The following TARM1 variants were observed in gnomAD, a reference collection of about 807,000 sequenced individuals.
TARM1 encodes the protein T-cell-interacting, activating receptor on myeloid cells protein 1.
TARM1 carries 24 observed loss-of-function variants against 30.4 expected under a neutral mutation model. The observed-to-expected ratio is 0.79, with a 90% CI of 0.57 to 1.11. The LOEUF is 1.11. Among genes scored for constraint, TARM1 ranks in the 50% least tolerant of loss-of-function variants. The pLI is 0.00. For synonymous variants in TARM1, 129 were observed against 138.9 expected (o/e 0.93, Z 0.50); for missense variants, 323 against 332.8 (o/e 0.97, Z 0.23).
intron 1 of TARM1, among the ~76,000 whole-genome samples, chr19:54,079,283 A>G (rs1310810489): frequency 7.0e-6 from 1 of 143,334 alleles, no homozygotes; most frequent in Non-Finnish European, 1.6e-5. Context: ...AAAAAAAAAA[A>G]GAAATTAGAA....
rs770011624 is a variant in TARM1 at position 54,074,794 on chromosome 19, G to A, written c.361+30C>T. 32 of 1,543,374 alleles carry A rather than the reference G, an allele frequency of 2.1e-5. 1 individual carries two copies. Among genetic ancestry groups the A allele is most frequent in the Middle Eastern group, 3.4e-4 (2 of 5,950 alleles). ...CTTCCTCCCTCATCCCCTGTCCCCCGTATGTCATTGGCAGGCACCCTGTCT... is the reference window on the plus strand; with the variant it reads ...CTTCCTCCCTCATCCCCTGTCCCCCATATGTCATTGGCAGGCACCCTGTCT... On this transcript the variant is annotated intron_variant, in intron 3 of 4. Transcript: ENST00000432826.
intron 4 of TARM1, 148 bp downstream of exon 4, chr19:54,073,772 C>G: frequency 9.6e-7 from 1 of 1,037,298 alleles, no homozygotes; most frequent in Non-Finnish European, 1.4e-6. Flanking sequence ...GGATGACAGG[C>G]ATGAGCCACC....
At chr19:54,072,007 AT>A (rs2071824784) in intron 4 of TARM1, among the ~76,000 whole-genome samples, 1 of 152,094 alleles carries the variant, frequency 6.6e-6, no homozygotes, top group African/African-American at 2.4e-5. Context: ...CCTGGCCAAT[AT>A]GGTAAAACCC....
chr19:54,075,875 ACACTCAC>A lies in TARM1; in HGVS notation c.70+1_70+7del. 1.3e-6 allele frequency: 2 copies of A among 1,551,256 alleles called. No homozygotes were observed. Among genetic ancestry groups the A allele is most frequent in the Non-Finnish European group, 8.7e-7 (1 of 1,146,918 alleles). On this transcript the variant is annotated splice_donor_variant and splice_donor_5th_base_variant and intron_variant, in intron 2 of 4. Coordinates refer to ENST00000432826, the MANE Select transcript of TARM1 (RefSeq NM_001135686.3). The stretch of plus-strand genomic sequence containing the variant: ...GGCCAAGGAGGGTGTAGTTGAAGAA[ACACTCAC>A]CATCTCCCCTTGTGTCTCCTTGGCC...
At chr19:54,077,851 T>G (rs1466729328) in intron 1 of TARM1, among the ~76,000 whole-genome samples, 1 of 150,638 alleles carries the variant, frequency 6.6e-6, no homozygotes, top group Non-Finnish European at 1.5e-5. Flanking sequence ...CAAGTGATTC[T>G]CCTGCCTCAG....
At chr19:54,071,675 C>G (rs1367716481) in intron 4 of TARM1, among the ~76,000 whole-genome samples, 2 of 151,748 alleles carry the variant, frequency 1.3e-5, no homozygotes, top group Non-Finnish European at 2.9e-5. Flanking sequence ...AAAAAATTAG[C>G]CGGGTGTGGT....
At chr19:54,074,296 T>TC in intron 3 of TARM1, 80 bp from the exon 4 acceptor site, 2 of 1,321,398 alleles carry the variant, frequency 1.5e-6, no homozygotes, top group Non-Finnish European at 2.1e-6. Flanking sequence ...GGCCGGAGGC[T>TC]CTCGTGGAGT....
chr19:54,078,083 CA>C (rs2072002915), intron 1 of TARM1, among the ~76,000 whole-genome samples: 1 of 151,222 alleles, frequency 6.6e-6, no homozygotes, highest in Admixed American at 6.6e-5. Flanking sequence ...GACAGGGTTT[CA>C]CCATGTTGGT....
chr19:54,073,088 A>G (rs1189071870), intron 4 of TARM1, among the ~76,000 whole-genome samples: 1 of 151,736 alleles, frequency 6.6e-6, no homozygotes, highest in African/African-American at 2.4e-5. Context: ...ACAGCCTAGA[A>G]ATTTTCCAAG....
intron 1 of TARM1, chr19:54,076,330 C>CT: frequency 2.8e-6 from 1 of 352,672 alleles, no homozygotes; most frequent in Non-Finnish European, 5.0e-6. Context: ...CTTTCTTTTT[C>CT]TTTCTTTCTT....
intron 2 of TARM1, 101 bp from the exon 3 acceptor site, chr19:54,075,215 T>A: frequency 9.7e-7 from 1 of 1,032,356 alleles, no homozygotes; most frequent in Non-Finnish European, 1.3e-6. Context: ...TGAGATGGAG[T>A]CTCCCTCTGT....
chr19:54,070,204 C>G (rs1459339096), intron 4 of TARM1, 44 bp from the exon 5 acceptor site: 28 of 1,527,022 alleles, frequency 1.8e-5, no homozygotes, highest in Non-Finnish European at 2.3e-5. Context: ...AGAGGGTATC[C>G]CTCCTTCTCA....
In TARM1 at chr19:54,079,499, G is replaced by A. The variant is rs73060654; in HGVS notation, c.34+1808C>T. On this transcript the variant is annotated intron_variant, in intron 1 of 4. Transcript: ENST00000432826. ...GATCAGCATTTGAATCTAATGCTGA[G>A]TCGGGCAGGTTGGCCTTCCTAATGG... Among the ~76,000 whole-genome samples the A allele has an allele frequency of 8.9e-3, 1,358 of 152,284 alleles. 20 individuals carry two copies. Among genetic ancestry groups the A allele is most frequent in the Admixed American group, 0.034 (514 of 15,290 alleles).
chr19:54,073,407 CAAAAAAAA>C (rs745643672), intron 4 of TARM1, among the ~76,000 whole-genome samples: 2,630 of 66,404 alleles, frequency 0.04, 52 homozygotes, highest in Middle Eastern at 0.2. Context: ...GACTCCATTT[CAAAAAAAA>C]AAAAAAAAAA....
Position 54,069,946 on chromosome 19 carries a change from G to A in TARM1, c.*57C>T, listed in dbSNP as rs2071765905. 1 of 1,368,694 alleles carries A rather than the reference G, an allele frequency of 7.3e-7. No individual in the cohort carries two copies. The highest frequency in any genetic ancestry group is 1.0e-6 in the Non-Finnish European group (1 of 991,922). The allele number at this position is 1,368,694 out of a possible 1,614,324, so 84.8% of individuals were successfully genotyped here. A position where few individuals can be genotyped will look rare whatever the true frequency, so the allele number is the denominator to read the frequency against. On this transcript the variant is annotated 3_prime_UTR_variant, in exon 5 of 5. Coordinates refer to ENST00000432826, the MANE Select transcript of TARM1 (RefSeq NM_001135686.3). ...TGACTTAGAAAGCCTCAACCCCCTGGGAATGCAGTCCAGCAGGTTGCAGCC... is the reference window on the plus strand; with the variant it reads ...TGACTTAGAAAGCCTCAACCCCCTGAGAATGCAGTCCAGCAGGTTGCAGCC...
intron 1 of TARM1, among the ~76,000 whole-genome samples, chr19:54,080,506 G>C (rs2072101281): frequency 1.8e-5 from 2 of 109,480 alleles, no homozygotes; most frequent in African/African-American, 8.4e-5. Flanking sequence ...GAGGAAGGAA[G>C]GAAGGAAGGA....
At chr19:54,080,176 C>CAGA in intron 1 of TARM1, among the ~76,000 whole-genome samples, 1 of 73,458 alleles carries the variant, frequency 1.4e-5, no homozygotes, top group Non-Finnish European at 3.3e-5. Context: ...AGCAAGCAAG[C>CAGA]AAGCAAGCAA....
intron 4 of TARM1, among the ~76,000 whole-genome samples, chr19:54,073,339 G>A (rs1365585279): frequency 6.8e-6 from 1 of 146,348 alleles, no homozygotes; most frequent in Non-Finnish European, 1.5e-5. Context: ...AACCTGGAAG[G>A]TGGAGGTTGC....
intron 4 of TARM1, 127 bp from the exon 5 acceptor site, chr19:54,070,287 G>C: frequency 1.5e-6 from 2 of 1,368,814 alleles, no homozygotes; most frequent in Non-Finnish European, 1.9e-6. Flanking sequence ...TTTTGAGACG[G>C]AGTTTTACTC....
Sources: gnomAD v4.1 joint callset for allele counts (sites outside exome capture counted in the v4.1 genomes callset) on GRCh38, gnomAD v4.1.1 for gene constraint, MANE v1.5 for transcripts, NCBI Gene and HGNC (gene_info 2026-07-23, HGNC 2026-07-21) for gene names.